Variants in DNAH3 observed in about 807,000 individuals in gnomAD.
DNAH3 encodes dynein axonemal heavy chain 3.
Under a neutral mutation model 432.5 loss-of-function variants are expected in DNAH3, and 332 were observed. The observed-to-expected ratio is 0.77, with a 90% CI of 0.70 to 0.84. DNAH3 has a LOEUF of 0.84. DNAH3 is among the 40% of genes least tolerant of loss of function. The pLI is 0.00. For missense variants in DNAH3, 4,861 were observed against 5,114.0 expected, an observed-to-expected ratio of 0.95 and a Z score of 1.51; for synonymous variants, 1,956 against 1,900.2, an observed-to-expected ratio of 1.03 and a Z score of -0.76.
At chr16:20,939,482 G>T (rs2083721960) in intron 59 of DNAH3, among the ~76,000 whole-genome samples, 1 of 152,012 alleles carries the variant, frequency 6.6e-6, no homozygotes, top group Admixed American at 6.6e-5. Flanking sequence ...CGTGGTGGCA[G>T]GCACCTGTAA....
At chr16:20,993,967 A>T (rs1342886043) in intron 44 of DNAH3, among the ~76,000 whole-genome samples, 1 of 152,122 alleles carries the variant, frequency 6.6e-6, no homozygotes, top group African/African-American at 2.4e-5. Flanking sequence ...TGTAATTCTC[A>T]AAATGTTTTT....
At chr16:21,095,809 G>A (rs535502300) in intron 18 of DNAH3, among the ~76,000 whole-genome samples, 39 of 152,180 alleles carry the variant, frequency 2.6e-4, no homozygotes, top group African/African-American at 8.7e-4. Context: ...CTGTCTCCCA[G>A]GTTGGAGTGC....
chr16:21,060,503 G>GTT, intron 25 of DNAH3, 147 bp from the exon 26 acceptor site: 1 of 467,500 alleles, frequency 2.1e-6, no homozygotes, highest in Non-Finnish European at 3.7e-6. Flanking sequence ...CTGTCTCCCC[G>GTT]TTCTTTTTTT....
chr16:21,086,522 T>G (rs530874750), intron 19 of DNAH3, among the ~76,000 whole-genome samples: 60 of 152,182 alleles, frequency 3.9e-4, no homozygotes, highest in Non-Finnish European at 8.5e-4. Context: ...TGAACATCCC[T>G]GTTGCACCTT....
intron 8 of DNAH3, among the ~76,000 whole-genome samples, chr16:21,125,628 G>A (rs1390682448): frequency 6.6e-6 from 1 of 152,188 alleles, no homozygotes; most frequent in Admixed American, 6.5e-5. Context: ...GGCACATCCT[G>A]CTGAAAGAGT....
chr16:20,959,610 A>AC lies in DNAH3; in HGVS notation c.10601-207_10601-206insG, dbSNP rs2084723844. On this transcript the variant is annotated intron_variant, in intron 53 of 61. Transcript: ENST00000261383. ...CACAGTGAGACCTTGTCTCTATTTA[A>AC]ACACACACACACACACACACACACA... is the stretch of plus-strand genomic sequence containing the variant. Among the ~76,000 whole-genome samples, 137 of 137,636 alleles carry AC rather than the reference A, an allele frequency of 1.0e-3. 1 individual carries two copies. The highest frequency in any genetic ancestry group is 3.6e-3 in the Middle Eastern group (1 of 278). The allele number at this position is 137,636 out of a possible 152,430, so 90.3% of individuals were successfully genotyped here. A position where few individuals can be genotyped will look rare whatever the true frequency, so the allele number is the denominator to read the frequency against.
intron 51 of DNAH3, among the ~76,000 whole-genome samples, chr16:20,972,059 C>T (rs1390073639): frequency 6.6e-6 from 1 of 152,110 alleles, no homozygotes. Flanking sequence ...CCAGTGAGTG[C>T]GAGTGGGTGG....
chr16:20,970,293 C>T (rs896978250), intron 51 of DNAH3, among the ~76,000 whole-genome samples: 7 of 152,136 alleles, frequency 4.6e-5, no homozygotes, highest in Middle Eastern at 3.2e-3. Flanking sequence ...GGGAGGCCAA[C>T]GTGGTGGATC....
intron 56 of DNAH3, among the ~76,000 whole-genome samples, chr16:20,949,672 C>T (rs1469311091): frequency 6.6e-6 from 1 of 152,152 alleles, no homozygotes; most frequent in African/African-American, 2.4e-5. Flanking sequence ...GCTAACTGTG[C>T]CCCTGATAGA....
intron 7 of DNAH3, among the ~76,000 whole-genome samples, chr16:21,132,141 G>A (rs907268133): frequency 6.6e-6 from 1 of 151,972 alleles, no homozygotes; most frequent in Admixed American, 6.6e-5. Context: ...TTCACTGATG[G>A]GCTCTGTCCT....
Position 21,041,959 on chromosome 16 carries a change from C to T in DNAH3, c.4638+68G>A, listed in dbSNP as rs544763751. The T allele has an allele frequency of 2.1e-4, 325 of 1,581,456 alleles. 1 individual carries two copies. In the African/African-American group the frequency reaches 3.3e-3, roughly 16 times the overall value. On this transcript the variant is annotated intron_variant, in intron 32 of 61. Transcript: ENST00000261383. ...AAGTGCTGGGATTATAGGTGTGAGC[C>T]GCCACACCCGGCCCAGAGGTTTCTA...
chr16:20,977,695 C>A (rs550739262), intron 50 of DNAH3, among the ~76,000 whole-genome samples: 1 of 152,316 alleles, frequency 6.6e-6, no homozygotes, highest in Non-Finnish European at 1.5e-5. Context: ...GACACTTGGC[C>A]TCTCTGTGTC....
chr16:21,137,912 T>C (rs1398769983), intron 5 of DNAH3, among the ~76,000 whole-genome samples: 5 of 151,200 alleles, frequency 3.3e-5, no homozygotes, highest in Non-Finnish European at 7.4e-5. Context: ...AAGCACAGAG[T>C]GTGAGGAAAG....
intron 28 of DNAH3, 68 bp downstream of exon 28, chr16:21,054,352 T>C: frequency 8.3e-7 from 1 of 1,209,106 alleles, no homozygotes; most frequent in East Asian, 2.4e-5. Flanking sequence ...CCAGGAGAAC[T>C]GAGATGAGCA....
intron 43 of DNAH3, among the ~76,000 whole-genome samples, chr16:20,998,379 A>C (rs149428960): frequency 2.0e-5 from 3 of 152,192 alleles, no homozygotes; most frequent in Non-Finnish European, 4.4e-5. Context: ...TCAGCCTCCA[A>C]GTAGCTGCGA....
chr16:20,944,726 G>A lies in DNAH3; in HGVS notation c.11344-63C>T. 2.6e-6 allele frequency: 4 copies of A among 1,538,700 alleles called. No individual in the cohort carries two copies. The Admixed American group carries it at 5.3e-5, about 20-fold the overall frequency. On this transcript the variant is annotated intron_variant, in intron 57 of 61. Transcript: ENST00000261383. ...CCCAGAATCCCACAGATGACTCCAGGCTTAGCAGAACCCAATCAGAACAGG... is the reference window on the plus strand; with the variant it reads ...CCCAGAATCCCACAGATGACTCCAGACTTAGCAGAACCCAATCAGAACAGG...
At chr16:21,109,734 C>CT (rs557821553) in intron 14 of DNAH3, among the ~76,000 whole-genome samples, 5,473 of 143,564 alleles carry the variant, frequency 0.038, 167 homozygotes, top group East Asian at 0.18. Flanking sequence ...ATACCTCTCT[C>CT]TTTTTTTTTT....
At position 21,083,083 on chromosome 16, in the gene DNAH3, C is replaced by G. The variant is rs184304126; in HGVS notation, c.2878-1356G>C. On this transcript the variant is annotated intron_variant, in intron 19 of 61. Coordinates refer to ENST00000261383, the Ensembl canonical transcript of DNAH3. ...CCAGGCTGGAGTGCCATGGCGCAAT[C>G]TCGGCTCACTGCAACCTCTGTCTCC... Among the ~76,000 whole-genome samples, 282 of 150,566 alleles carry G rather than the reference C, an allele frequency of 1.9e-3. 1 individual carries two copies. The highest frequency in any genetic ancestry group is 6.8e-3 in the African/African-American group (277 of 40,954).
At chr16:21,015,687 T>C (rs923264097) in intron 41 of DNAH3, among the ~76,000 whole-genome samples, 1 of 152,268 alleles carries the variant, frequency 6.6e-6, no homozygotes, top group African/African-American at 2.4e-5. Context: ...CTGTATTTTC[T>C]GCAACATTTT....
Sources: gnomAD v4.1 joint callset for allele counts (sites outside exome capture counted in the v4.1 genomes callset) on GRCh38, gnomAD v4.1.1 for gene constraint, MANE v1.5 for transcripts, NCBI Gene and HGNC (gene_info 2026-07-23, HGNC 2026-07-21) for gene names.